HHAT: variants seen among roughly 807,000 people sequenced by gnomAD.
HHAT encodes the protein protein-cysteine N-palmitoyltransferase HHAT.
Under a neutral mutation model 70.8 loss-of-function variants are expected in HHAT, and 47 were observed. The ratio of observed to expected loss-of-function variants is 0.66; its 90% CI spans 0.53 to 0.85. The LOEUF is 0.85. HHAT is among the 40% of genes least tolerant of loss of function. HHAT has a pLI of 0.00. For missense variants in HHAT, 609 were observed against 604.8 expected (o/e 1.01, Z -0.07); for synonymous variants, 228 against 247.6 (o/e 0.92, Z 0.74).
At chr1:210,632,224 T>C (rs914270980) in intron 11 of HHAT, among the ~76,000 whole-genome samples, 1 of 152,220 alleles carries the variant, frequency 6.6e-6, no homozygotes, top group Non-Finnish European at 1.5e-5. Flanking sequence ...TGTGACCTTA[T>C]TTGGAAATAG....
intron 1 of HHAT, among the ~76,000 whole-genome samples, chr1:210,333,974 T>C (rs1229414015): frequency 6.6e-6 from 1 of 152,012 alleles, no homozygotes; most frequent in Non-Finnish European, 1.5e-5. Flanking sequence ...CTCTTACTAC[T>C]GTGAGTCGTT....
intron 5 of HHAT, 94 bp downstream of exon 5, chr1:210,400,756 G>A (rs2092028591): frequency 1.7e-6 from 2 of 1,208,012 alleles, no homozygotes; most frequent in African/African-American, 3.0e-5. Flanking sequence ...GACAAGAGAT[G>A]ATTGTAGAAC....
chr1:210,591,884 T>C (rs532764711), intron 10 of HHAT, among the ~76,000 whole-genome samples: 11 of 152,230 alleles, frequency 7.2e-5, no homozygotes, highest in South Asian at 6.2e-4. Context: ...GATTATTAGG[T>C]TTTTTCCCCG....
rs548303431 is a variant in HHAT, at chr1:210,549,875, G to T, written c.1043+36687G>T. 1.3e-5 allele frequency among the ~76,000 whole-genome samples: 2 copies of T among 148,710 alleles called. 1 individual carries two copies. The highest frequency in any genetic ancestry group is 4.5e-4 in the East Asian group (2 of 4,432). ...GATATCCATAAATAGAATAAATTCT[G>T]TTGTTCAGTTGAATCATACTACTCA... On this transcript the variant is annotated intron_variant, in intron 9 of 11. Coordinates refer to ENST00000261458, the MANE Select transcript of HHAT (RefSeq NM_018194.6).
intron 1 of HHAT, among the ~76,000 whole-genome samples, chr1:210,333,128 G>A (rs1057127645): frequency 6.6e-6 from 1 of 152,192 alleles, no homozygotes; most frequent in South Asian, 2.1e-4. Context: ...CAACTCACTT[G>A]CCACTATAAA....
At chr1:210,596,633 A>G (rs1663072584) in intron 10 of HHAT, among the ~76,000 whole-genome samples, 1 of 151,910 alleles carries the variant, frequency 6.6e-6, no homozygotes, top group Non-Finnish European at 1.5e-5. Context: ...TGTCAGTTGC[A>G]TTTTTCATCT....
At chr1:210,445,856 G>C (rs2093623842) in intron 7 of HHAT, among the ~76,000 whole-genome samples, 2 of 150,720 alleles carry the variant, frequency 1.3e-5, no homozygotes, top group African/African-American at 4.9e-5. Flanking sequence ...ACATTCCTTT[G>C]CTCTTGGACA....
At position 210,455,244 on chromosome 1, in the gene HHAT, A is replaced by G. The variant is rs148022097; in HGVS notation, c.857-9261A>G. Among the ~76,000 whole-genome samples, 290 of 152,284 alleles carry G rather than the reference A, an allele frequency of 1.9e-3. 7 individuals carry two copies. The South Asian group carries it at 0.041, about 22-fold the overall frequency. ...CCTGCCCTTTATAGCAGAAAAAGGT[A>G]TCTCTCATTGTGCCTGTGCTTCTTT... On this transcript the variant is annotated intron_variant, in intron 7 of 11. Transcript: ENST00000261458.
chr1:210,327,551 G>A (rs1172982783), upstream of HHAT, among the ~76,000 whole-genome samples: 2 of 152,144 alleles, frequency 1.3e-5, no homozygotes, highest in African/African-American at 4.8e-5. Flanking sequence ...AGTCACCCAG[G>A]TTGGAGTGCA....
chr1:210,549,396 G>T (rs969696183), intron 9 of HHAT, among the ~76,000 whole-genome samples: 1 of 148,574 alleles, frequency 6.7e-6, no homozygotes, highest in Non-Finnish European at 1.5e-5. Flanking sequence ...TTGTGGGGAG[G>T]TTTATATTCA....
chr1:210,380,116 A>C (rs954879716), intron 3 of HHAT, among the ~76,000 whole-genome samples: 1 of 152,202 alleles, frequency 6.6e-6, no homozygotes, highest in African/African-American at 2.4e-5. Context: ...TAATCATTCA[A>C]ATTTTTCAAA....
Position 210,386,230 on chromosome 1 carries a change from CTTTTT to C in HHAT, c.160-1216_160-1212del, listed in dbSNP as rs869305965. ...ATTGCAGGAGTCCTTTTCTTTTTTT[CTTTTT>C]TTTTTTTTTTTTTTTTTTTTTGAGA... On this transcript the variant is annotated intron_variant, in intron 3 of 11. Transcript: ENST00000261458. 2.7e-4 allele frequency among the ~76,000 whole-genome samples: 19 copies of C among 69,924 alleles called. No individual in the cohort carries two copies. The East Asian group carries it at 3.4e-3, about 12-fold the overall frequency. The allele number at this position is 69,924 out of a possible 152,430, so 45.9% of individuals were successfully genotyped here.
Position 210,382,257 on chromosome 1 carries a change from G to T in HHAT, c.160-5211G>T, listed in dbSNP as rs147207934. On this transcript the variant is annotated intron_variant, in intron 3 of 11. Coordinates refer to ENST00000261458, the MANE Select transcript of HHAT (RefSeq NM_018194.6). ...GGGGACGACCCCTTCTCCACGGGTG[G>T]GTGACAAGCACTTTCTTAGTATTTC... Among the ~76,000 whole-genome samples the T allele has an allele frequency of 2.1e-3, 318 of 152,202 alleles. 3 individuals are homozygous for T. Among genetic ancestry groups the T allele is most frequent in the African/African-American group, 7.3e-3 (303 of 41,522 alleles).
At position 210,551,240 on chromosome 1, in the gene HHAT, C is replaced by T. The variant is rs139949141; in HGVS notation, c.1044-36658C>T. 4.9e-3 allele frequency among the ~76,000 whole-genome samples: 731 copies of T among 148,778 alleles called. 37 individuals carry two copies. Among genetic ancestry groups the T allele is most frequent in the Admixed American group, 7.7e-3 (111 of 14,472 alleles). ...GCCTTCAGAGGTTCTTAGTGCGGCC[C>T]GCTGCAAAGCCCAGGGAGAGAGGGG... On this transcript the variant is annotated intron_variant, in intron 9 of 11. Transcript: ENST00000261458.
Position 210,362,937 on chromosome 1 carries a change from A to C in HHAT, c.159+18A>C. 1 of 1,564,386 alleles carries C rather than the reference A, an allele frequency of 6.4e-7. No individual in the cohort carries two copies. The highest frequency in any genetic ancestry group is 1.1e-5 in the South Asian group (1 of 89,826). ...TAAAGAAGGTACAAAGTGGATGCATAATAAATCTCAGTTTTCAAACCTGAT... is the reference window on the plus strand; with the variant it reads ...TAAAGAAGGTACAAAGTGGATGCATCATAAATCTCAGTTTTCAAACCTGAT... On this transcript the variant is annotated intron_variant, in intron 3 of 11. Transcript: ENST00000261458.
Position 210,464,629 on chromosome 1 carries a change from C to T in HHAT, c.981C>T (p.Thr327=), listed in dbSNP as rs1218754378. The change falls in exon 8 of 12, where the codon ACC becomes ACT. Residue 327 remains threonine, a synonymous_variant. Coordinates refer to ENST00000261458, the MANE Select transcript of HHAT (RefSeq NM_018194.6). ...CCGCCCTCCCCCGCTGCGTGAGCAC[C>T]ATGTTCAGTTTCACCGGGATGTGGA... The part of the protein sequence containing the change: ...TPPALPRCVS[T]MFSFTGMWRY... 2 of 1,614,182 alleles carry T rather than the reference C, an allele frequency of 1.2e-6. No homozygotes were observed. The highest frequency in any genetic ancestry group is 1.7e-5 in the Admixed American group (1 of 60,030).
intron 2 of HHAT, among the ~76,000 whole-genome samples, chr1:210,358,580 TAGA>T (rs1312625763): frequency 1.3e-5 from 2 of 152,222 alleles, no homozygotes; most frequent in East Asian, 3.9e-4. Context: ...CTCCTATCAT[TAGA>T]AGCCCGTCTT....
At chr1:210,659,762 A>G (rs1398559613) in intron 11 of HHAT, among the ~76,000 whole-genome samples, 1 of 152,258 alleles carries the variant, frequency 6.6e-6, no homozygotes, top group Non-Finnish European at 1.5e-5. Flanking sequence ...GGCTGGTTCA[A>G]CGTATGCAAA....
At chr1:210,543,394 T>A (rs1370928803) in intron 9 of HHAT, among the ~76,000 whole-genome samples, 1 of 151,834 alleles carries the variant, frequency 6.6e-6, no homozygotes, top group African/African-American at 2.4e-5. Context: ...AAGGGAATTG[T>A]TCAAATAATC....
Sources: allele counts gnomAD v4.1 joint callset (sites outside exome capture counted in the v4.1 genomes callset), GRCh38; gene constraint gnomAD v4.1.1; transcripts MANE v1.5; gene names NCBI Gene and HGNC (gene_info 2026-07-23, HGNC 2026-07-21).